The following TMC5 variants were observed in gnomAD, a reference collection of about 807,000 sequenced individuals.
TMC5 encodes transmembrane channel-like protein 5.
A neutral mutation model predicts 110.5 loss-of-function variants in TMC5; 86 were observed. That is an observed-to-expected ratio of 0.78 (90% CI 0.65 to 0.93). The LOEUF is 0.93. Among genes scored for constraint, TMC5 ranks in the 40% least tolerant of loss-of-function variants. The pLI, the probability that TMC5 is intolerant of heterozygous loss-of-function variation, is 0.00. For synonymous variants in TMC5, 455 were observed against 439.5 expected (o/e 1.04, Z -0.44); for missense variants, 1,144 against 1,222.8 (o/e 0.94, Z 0.96).
In TMC5 at chr16:19,466,242, G is replaced by A; in HGVS notation, c.1637+9G>A. Reference sequence around the variant, plus strand: ...TTCAGTTTGCTGTTCAGGTATGGAAGCATCTACATTTCCTGATTCTGAGGG... The same window carrying A: ...TTCAGTTTGCTGTTCAGGTATGGAAACATCTACATTTCCTGATTCTGAGGG... On this transcript the variant is annotated intron_variant, in intron 9 of 21. Coordinates refer to ENST00000542583, the MANE Select transcript of TMC5 (RefSeq NM_001261841.2). 1.2e-6 allele frequency: 2 copies of A among 1,612,196 alleles called. No individual in the cohort carries two copies. Among genetic ancestry groups the A allele is most frequent in the Non-Finnish European group, 8.5e-7 (1 of 1,179,402 alleles).
chr16:19,418,727 G>GTTTTTTTTT (rs57232416), intron 1 of TMC5, among the ~76,000 whole-genome samples: 1 of 119,118 alleles, frequency 8.4e-6, no homozygotes, highest in Non-Finnish European at 1.8e-5. Flanking sequence ...TGATTTTTGT[G>GTTTTTTTTT]TTTTTTTTTT....
At chr16:19,456,022 G>A (rs367909902) in intron 5 of TMC5, among the ~76,000 whole-genome samples, 10 of 151,758 alleles carry the variant, frequency 6.6e-5, no homozygotes, top group African/African-American at 9.7e-5. Context: ...CCTGGCTAAC[G>A]TGGTGAAACC....
chr16:19,423,087 G>A (rs928071885), intron 1 of TMC5, among the ~76,000 whole-genome samples: 6 of 152,192 alleles, frequency 3.9e-5, no homozygotes, highest in African/African-American at 1.4e-4. Flanking sequence ...TTGCACCGCT[G>A]CACTTACCCC....
chr16:19,494,156 T>TA, intron 19 of TMC5, 106 bp from the exon 20 acceptor site: 1 of 838,528 alleles, frequency 1.2e-6, no homozygotes, highest in Admixed American at 2.1e-5. Context: ...TCTAGGATCC[T>TA]AGCTGCCTGA....
intron 2 of TMC5, among the ~76,000 whole-genome samples, chr16:19,432,650 T>C (rs1408832184): frequency 1.3e-5 from 2 of 152,334 alleles, no homozygotes; most frequent in East Asian, 1.9e-4. Context: ...TTTAGCTCTT[T>C]GTTTGTTTAG....
chr16:19,410,729 C>G (rs1966853947), exon 1 of TMC5: 1 of 152,386 alleles, frequency 6.6e-6, no homozygotes, highest in Non-Finnish European at 1.5e-5. Flanking sequence ...GGGCCAGGGT[C>G]GACCCGAGGG....
intron 1 of TMC5, among the ~76,000 whole-genome samples, chr16:19,424,588 G>T (rs535890478): frequency 9.9e-4 from 151 of 152,324 alleles, no homozygotes; most frequent in Middle Eastern, 6.8e-3. Context: ...GGCAGAGGTT[G>T]CAGTGAGCCG....
chr16:19,458,804 A>T (rs1193035175), intron 5 of TMC5, among the ~76,000 whole-genome samples: 1 of 152,064 alleles, frequency 6.6e-6, no homozygotes, highest in East Asian at 1.9e-4. Flanking sequence ...TCTTTTGGGA[A>T]TTCCCCTTAC....
chr16:19,412,990 C>T (rs945470266), upstream of TMC5, among the ~76,000 whole-genome samples: 8 of 152,210 alleles, frequency 5.3e-5, no homozygotes, highest in East Asian at 1.4e-3. Flanking sequence ...ACTACAGGTG[C>T]TCGCCTCTAC....
chr16:19,462,152 G>C lies in TMC5; in HGVS notation c.1149-1128G>C, dbSNP rs75628217. ...ACACTTCCATTTTGAACTCTGTATGGCTGCCTCTGTCACTGAATATGGGCT... is the reference window on the plus strand; with the variant it reads ...ACACTTCCATTTTGAACTCTGTATGCCTGCCTCTGTCACTGAATATGGGCT... On this transcript the variant is annotated intron_variant, in intron 6 of 21. Transcript: ENST00000542583. Among the ~76,000 whole-genome samples the C allele has an allele frequency of 3.3e-5, 5 of 152,272 alleles. No individual in the cohort carries two copies. The East Asian group carries it at 9.7e-4, about 29-fold the overall frequency.
intron 3 of TMC5, among the ~76,000 whole-genome samples, chr16:19,442,779 C>G (rs1967519939): frequency 6.6e-6 from 1 of 152,162 alleles, no homozygotes; most frequent in African/African-American, 2.4e-5. Flanking sequence ...TTGTATTTAT[C>G]TCTAGGAACA....
At chr16:19,438,409 G>GA (rs370741264) in intron 2 of TMC5, among the ~76,000 whole-genome samples, 4 of 50,134 alleles carry the variant, frequency 8.0e-5, no homozygotes, top group African/African-American at 2.2e-4. Context: ...AAAAAAAAAA[G>GA]AAGAAAGAAA....
In TMC5 at chr16:19,468,400, A is replaced by G. The variant is rs553108193; in HGVS notation, c.1638-1281A>G. Among the ~76,000 whole-genome samples, 9 of 152,252 alleles carry G rather than the reference A, an allele frequency of 5.9e-5. No individual in the cohort carries two copies. The South Asian group carries it at 1.2e-3, about 21-fold the overall frequency. On this transcript the variant is annotated intron_variant, in intron 9 of 21. Coordinates refer to ENST00000542583, the MANE Select transcript of TMC5 (RefSeq NM_001261841.2). ...CCTGGGCCTGAGACAGCCCATGACC[A>G]TAACAGTGCCTTCATCAAGTGCTTG...
chr16:19,477,693 C>T (rs905118654), intron 13 of TMC5, among the ~76,000 whole-genome samples, 175 bp downstream of exon 13: 2 of 152,196 alleles, frequency 1.3e-5, no homozygotes, highest in Non-Finnish European at 2.9e-5. Flanking sequence ...AACAAAAAAG[C>T]TCAGGTTCTA....
At chr16:19,425,346 T>C (rs71384412) in intron 1 of TMC5, among the ~76,000 whole-genome samples, 8 of 134,260 alleles carry the variant, frequency 6.0e-5, no homozygotes, top group East Asian at 4.4e-4. Flanking sequence ...TTTTTTTTTT[T>C]CCTGTGCACC....
At chr16:19,462,414 A>C in intron 6 of TMC5, 3 of 667,338 alleles carry the variant, frequency 4.5e-6, no homozygotes, top group Non-Finnish European at 8.1e-6. Flanking sequence ...AATGTGTATT[A>C]GTCTGCTCTC....
chr16:19,448,712 A>G (rs1967676858), intron 4 of TMC5, among the ~76,000 whole-genome samples: 2 of 143,574 alleles, frequency 1.4e-5, no homozygotes, highest in Non-Finnish European at 3.0e-5. Flanking sequence ...ATTTTAATAT[A>G]TTATATTTAT....
intron 14 of TMC5, among the ~76,000 whole-genome samples, chr16:19,479,976 GAAA>G (rs1423935781): frequency 6.7e-5 from 10 of 149,884 alleles, no homozygotes; most frequent in Admixed American, 6.6e-4. Flanking sequence ...GGCAAAGAAA[GAAA>G]AGAAGAAAAA....
upstream of TMC5, among the ~76,000 whole-genome samples, chr16:19,415,670 G>T (rs567648912): frequency 6.6e-6 from 1 of 152,146 alleles, no homozygotes; most frequent in Admixed American, 6.5e-5. Context: ...AGGCAGAACC[G>T]CACGATCCAG....
Sources: allele counts gnomAD v4.1 joint callset (sites outside exome capture counted in the v4.1 genomes callset), GRCh38; gene constraint gnomAD v4.1.1; transcripts MANE v1.5; gene names NCBI Gene and HGNC (gene_info 2026-07-23, HGNC 2026-07-21).